The following IGF2BP2 variants were observed in gnomAD, a reference collection of about 807,000 sequenced individuals.
IGF2BP2 encodes insulin like growth factor 2 mRNA binding protein 2, also known as insulin-like growth factor 2 mRNA-binding protein 2.
In IGF2BP2, 17 loss-of-function variants were observed where a neutral mutation model predicts 75.8. That is an observed-to-expected ratio of 0.22 (90% CI 0.15 to 0.34). The LOEUF (loss-of-function observed/expected upper bound fraction) is 0.34. IGF2BP2 is among the 10% of genes least tolerant of loss of function. The pLI is 1.00. For missense variants in IGF2BP2, 516 were observed against 772.4 expected, an observed-to-expected ratio of 0.67 and a Z score of 3.93; for synonymous variants, 288 against 295.6, an observed-to-expected ratio of 0.97 and a Z score of 0.26.
chr3:185,724,007 C>T (rs906792587), intron 2 of IGF2BP2, among the ~76,000 whole-genome samples: 2 of 152,184 alleles, frequency 1.3e-5, no homozygotes, highest in Non-Finnish European at 1.5e-5. Context: ...CCAGACTATG[C>T]AGAGACAAAT....
chr3:185,645,265 G>T lies in IGF2BP2; in HGVS notation c.*266C>A. 1.9e-6 allele frequency: 1 copy of T among 527,806 alleles called. No individual in the cohort carries two copies. The highest frequency in any genetic ancestry group is 3.4e-6 in the Non-Finnish European group (1 of 294,194). 32.7% of individuals were successfully genotyped at this position (527,806 alleles called of 1,614,324 possible). On this transcript the variant is annotated 3_prime_UTR_variant, in exon 16 of 16. Coordinates refer to ENST00000382199, the MANE Select transcript of IGF2BP2 (RefSeq NM_006548.6). The surrounding 1 kb of genome is among the most constrained non-coding windows in gnomAD (Gnocchi z 4.9). ...TTCAGGAGAGATCCGAGTGGATGGTGAAGTGGATGGCTGAAGCCTGCAGAA... is the reference window on the plus strand; with the variant it reads ...TTCAGGAGAGATCCGAGTGGATGGTTAAGTGGATGGCTGAAGCCTGCAGAA...
intron 2 of IGF2BP2, among the ~76,000 whole-genome samples, chr3:185,774,336 C>T (rs1030686394): frequency 2.0e-5 from 3 of 152,196 alleles, no homozygotes; most frequent in African/African-American, 7.2e-5. Flanking sequence ...TGGTTCCCGC[C>T]TGTAAGGCCT....
chr3:185,716,655 G>C (rs77587335), intron 2 of IGF2BP2: 1 of 519,996 alleles, frequency 1.9e-6, no homozygotes, highest in Admixed American at 1.9e-5. Context: ...CAGCTGTCTT[G>C]GGCTCCCTGA....
rs1046369252 is a variant in IGF2BP2 at position 185,698,243 on chromosome 3, GAA to G, written c.288+54_288+55del. 2.7e-6 allele frequency: 4 copies of G among 1,474,456 alleles called. No homozygotes were observed. In the African/African-American group the frequency reaches 4.2e-5, roughly 15 times the overall value. The allele number at this position is 1,474,456 out of a possible 1,614,324, so 91.3% of individuals were successfully genotyped here. On this transcript the variant is annotated intron_variant, in intron 3 of 15. Transcript: ENST00000382199. ...CCCTCTAATTCCTAAATGTAAAATG[GAA>G]CTAAAGAAGGGAGAAATGTCTCATC... is the stretch of plus-strand genomic sequence containing the variant.
intron 7 of IGF2BP2, among the ~76,000 whole-genome samples, chr3:185,677,041 G>A (rs1237067786): frequency 6.1e-3 from 73 of 11,940 alleles, no homozygotes; most frequent in African/African-American, 8.8e-3. Flanking sequence ...ATATATATAT[G>A]GAGATATATA....
intron 2 of IGF2BP2, among the ~76,000 whole-genome samples, chr3:185,794,900 C>A (rs1360036822): frequency 3.3e-5 from 5 of 151,674 alleles, no homozygotes; most frequent in South Asian, 4.2e-4. Context: ...GTTATCTTTT[C>A]TTTTCTTTTT....
intron 2 of IGF2BP2, among the ~76,000 whole-genome samples, chr3:185,784,615 C>T (rs1349726540): frequency 6.6e-6 from 1 of 152,248 alleles, no homozygotes; most frequent in African/African-American, 2.4e-5. Flanking sequence ...GCTGTTCCAG[C>T]GATCCCCTGC....
chr3:185,679,310 C>T (rs561905152), intron 7 of IGF2BP2, among the ~76,000 whole-genome samples: 2 of 152,166 alleles, frequency 1.3e-5, no homozygotes, highest in South Asian at 4.2e-4. Flanking sequence ...TTACATAAAA[C>T]ATCTTAAAGT....
At position 185,824,962 on chromosome 3, in the gene IGF2BP2, C is replaced by G; in HGVS notation, c.-2G>C. On this transcript the variant is annotated 5_prime_UTR_variant, in exon 1 of 16. Coordinates refer to ENST00000382199, the MANE Select transcript of IGF2BP2 (RefSeq NM_006548.6). Reference sequence around the variant, plus strand: ...CCCGATGTAAAGCTTGTTCATCATCCGTCTCTTCCCCGAGAGCCCGCGGCT... The same window carrying G: ...CCCGATGTAAAGCTTGTTCATCATCGGTCTCTTCCCCGAGAGCCCGCGGCT... The G allele has an allele frequency of 6.6e-7, 1 of 1,519,066 alleles. No homozygotes were observed. The highest frequency in any genetic ancestry group is 8.9e-7 in the Non-Finnish European group (1 of 1,122,954). The allele number at this position is 1,519,066 out of a possible 1,614,324, so 94.1% of individuals were successfully genotyped here. A position where few individuals can be genotyped will look rare whatever the true frequency, so the allele number is the denominator to read the frequency against.
chr3:185,688,412 G>A (rs1721448810), intron 6 of IGF2BP2, among the ~76,000 whole-genome samples: 2 of 152,104 alleles, frequency 1.3e-5, no homozygotes, highest in African/African-American at 4.8e-5. Context: ...GCGCCATCTC[G>A]GCTCACTGCA....
intron 2 of IGF2BP2, among the ~76,000 whole-genome samples, chr3:185,754,958 T>C (rs756680646): frequency 3.3e-5 from 5 of 152,124 alleles, no homozygotes; most frequent in African/African-American, 1.2e-4. Flanking sequence ...GTATAAAAGT[T>C]TGGAAAATTT....
At chr3:185,668,206 A>G (rs1206868583) in intron 10 of IGF2BP2, among the ~76,000 whole-genome samples, 2 of 152,214 alleles carry the variant, frequency 1.3e-5, no homozygotes, top group East Asian at 3.9e-4. Flanking sequence ...ATTATGATAA[A>G]CTCATTTAAT....
intron 2 of IGF2BP2, among the ~76,000 whole-genome samples, chr3:185,794,954 G>A (rs1737156427): frequency 6.6e-6 from 1 of 151,724 alleles, no homozygotes; most frequent in African/African-American, 2.4e-5. Context: ...CTGGAGTGCA[G>A]TGGCGCTCTC....
chr3:185,664,516 G>A (rs1716977967), intron 10 of IGF2BP2, among the ~76,000 whole-genome samples: 1 of 152,190 alleles, frequency 6.6e-6, no homozygotes, highest in South Asian at 2.1e-4. Flanking sequence ...GGAGGGAGAA[G>A]GGAGAGCTTT....
At chr3:185,790,118 AACC>A (rs1736444964) in intron 2 of IGF2BP2, among the ~76,000 whole-genome samples, 1 of 152,136 alleles carries the variant, frequency 6.6e-6, no homozygotes, top group African/African-American at 2.4e-5. Flanking sequence ...GGCTAAAGGT[AACC>A]AGCTCCTCAG....
At chr3:185,792,772 A>G (rs1030445090) in intron 2 of IGF2BP2, among the ~76,000 whole-genome samples, 1 of 151,968 alleles carries the variant, frequency 6.6e-6, no homozygotes, top group Non-Finnish European at 1.5e-5. Flanking sequence ...TCTCAAAAAA[A>G]AAAAAAAAAT....
chr3:185,721,185 C>CT (rs895896401), intron 2 of IGF2BP2, among the ~76,000 whole-genome samples: 2 of 152,002 alleles, frequency 1.3e-5, no homozygotes, highest in Middle Eastern at 3.4e-3. Context: ...TCTTCTTCTT[C>CT]TTTTTTTGTT....
At chr3:185,809,111 T>C (rs1395365209) in intron 2 of IGF2BP2, among the ~76,000 whole-genome samples, 1 of 152,024 alleles carries the variant, frequency 6.6e-6, no homozygotes, top group East Asian at 1.9e-4. Context: ...TTTTTGTTTT[T>C]CTTTTCTTTC....
chr3:185,698,225 AT>A, intron 3 of IGF2BP2, 73 bp downstream of exon 3: 2 of 1,354,314 alleles, frequency 1.5e-6, no homozygotes, highest in Admixed American at 1.7e-5. Flanking sequence ...AGGCCCTCTA[AT>A]TCCTAAATGT....
Sources: allele counts gnomAD v4.1 joint callset (sites outside exome capture counted in the v4.1 genomes callset), GRCh38; gene constraint gnomAD v4.1.1; non-coding constraint Gnocchi (gnomAD v3.1); transcripts MANE v1.5; gene names NCBI Gene and HGNC (gene_info 2026-07-23, HGNC 2026-07-21).